Variants in IMPG1 observed in about 807,000 individuals in gnomAD.
IMPG1 encodes the protein interphotoreceptor matrix proteoglycan of 150 kDa.
A neutral mutation model predicts 92.0 loss-of-function variants in IMPG1; 85 were observed. The ratio of observed to expected loss-of-function variants is 0.92; its 90% CI spans 0.78 to 1.11. The LOEUF (loss-of-function observed/expected upper bound fraction) is 1.11, where lower values mean the gene tolerates loss of function less well. Among genes scored for constraint, IMPG1 ranks in the 50% least tolerant of loss-of-function variants. The pLI is 0.00. For synonymous variants in IMPG1, 367 were observed against 334.1 expected (o/e 1.10, Z -1.08); for missense variants, 1,022 against 956.0 (o/e 1.07, Z -0.91).
In IMPG1 at chr6:76,041,906, A is replaced by G; in HGVS notation, c.288T>C (p.Tyr96=). 6.2e-7 allele frequency: 1 copy of G among 1,600,954 alleles called. No individual in the cohort carries two copies. ...CTCTTTCCTTACCTCTCAATCTATA[A>G]TAAGCTTGAAGACTGTCTAAAATCT... ...MKQILDSLQA[Y]YRLRVCQEAV... Residue 96 remains tyrosine (Y), a synonymous_variant, in exon 2 of 17, where the codon TAT becomes TAC. Transcript: ENST00000369950.
intron 12 of IMPG1, among the ~76,000 whole-genome samples, chr6:75,995,748 TGAC>T (rs1782888368): frequency 6.6e-6 from 1 of 152,242 alleles, no homozygotes; most frequent in Admixed American, 6.5e-5. Context: ...AGCACATCAC[TGAC>T]GAGCTTCAGT....
intron 1 of IMPG1, among the ~76,000 whole-genome samples, chr6:76,063,472 C>G (rs780204667): frequency 6.6e-6 from 1 of 152,144 alleles, no homozygotes; most frequent in Non-Finnish European, 1.5e-5. Context: ...GCCCTGGTGG[C>G]AGATCCTTGG....
intron 8 of IMPG1, 52 bp downstream of exon 8, chr6:76,011,114 G>T: frequency 1.0e-6 from 1 of 984,472 alleles, no homozygotes; most frequent in Non-Finnish European, 1.6e-6. Flanking sequence ...TTTACAAAAG[G>T]ATAGGAAGAA....
At chr6:75,973,279 T>TGTGTCCGGATTACA (rs1401018798) in intron 12 of IMPG1, among the ~76,000 whole-genome samples, 1 of 144,760 alleles carries the variant, frequency 6.9e-6, no homozygotes, top group African/African-American at 2.5e-5. Flanking sequence ...TGTGCCTGGC[T>TGTGTCCGGATTACA]GCAATCCTAC....
In IMPG1 at chr6:75,984,358, C is replaced by T. The variant is rs1289999696; in HGVS notation, c.1291+18560G>A. On this transcript the variant is annotated intron_variant, in intron 12 of 16. Transcript: ENST00000369950. ...AAATGAATGGATAAACAAAATTGTC[C>T]ACACAATGAAAAGCTATTCAGTCTT... is the stretch of plus-strand genomic sequence containing the variant. 2.0e-5 allele frequency among the ~76,000 whole-genome samples: 3 copies of T among 152,222 alleles called. No homozygotes were observed. In the East Asian group the frequency reaches 5.8e-4, roughly 29 times the overall value.
chr6:76,067,415 C>T (rs1784328455), intron 1 of IMPG1, among the ~76,000 whole-genome samples: 1 of 151,834 alleles, frequency 6.6e-6, no homozygotes, highest in Non-Finnish European at 1.5e-5. Context: ...GCATCTCTAC[C>T]CTCACAAACT....
At chr6:75,964,370 G>T (rs920620705) in intron 12 of IMPG1, among the ~76,000 whole-genome samples, 1 of 152,022 alleles carries the variant, frequency 6.6e-6, no homozygotes, top group Non-Finnish European at 1.5e-5. Context: ...TATGTTATGT[G>T]AATTTTATCT....
rs573585152 is a variant in IMPG1, at chr6:75,990,177, A to G, written c.1291+12741T>C. On this transcript the variant is annotated intron_variant, in intron 12 of 16. Transcript: ENST00000369950. ...TTTGGAAATGCTGACTTTAGATGAT[A>G]TTTAGTAAGCATATTATTACAATTC... Among the ~76,000 whole-genome samples the G allele has an allele frequency of 5.3e-5, 8 of 152,346 alleles. No individual in the cohort carries two copies. In the South Asian group the frequency reaches 1.7e-3, roughly 32 times the overall value.
chr6:76,071,348 T>G (rs1329468695), intron 1 of IMPG1, among the ~76,000 whole-genome samples: 1 of 150,516 alleles, frequency 6.6e-6, no homozygotes, highest in African/African-American at 2.4e-5. Context: ...TCAGATTCAG[T>G]TCAGAATATA....
intron 1 of IMPG1, among the ~76,000 whole-genome samples, chr6:76,067,161 G>T (rs1464707287): frequency 6.6e-6 from 1 of 151,130 alleles, no homozygotes. Context: ...CACACCCAAA[G>T]GTAGAAGTAA....
rs377190094 is a variant in IMPG1, at chr6:75,925,861, T to C, written c.2244-2155A>G. On this transcript the variant is annotated intron_variant, in intron 15 of 16. Coordinates refer to ENST00000369950, the MANE Select transcript of IMPG1 (RefSeq NM_001563.4). Reference sequence around the variant, plus strand: ...TTGTATTTTTAGTAGAGACAGGGTTTCACCATGTTGGCCAGGATGGTCTCG... The same window carrying C: ...TTGTATTTTTAGTAGAGACAGGGTTCCACCATGTTGGCCAGGATGGTCTCG... Among the ~76,000 whole-genome samples the C allele has an allele frequency of 7.4e-3, 1,119 of 152,152 alleles. 12 individuals are homozygous for C. The highest frequency in any genetic ancestry group is 0.026 in the African/African-American group (1,064 of 41,510).
intron 4 of IMPG1, among the ~76,000 whole-genome samples, chr6:76,027,685 T>C (rs1429519338): frequency 1.4e-4 from 21 of 152,230 alleles, no homozygotes; most frequent in Admixed American, 1.3e-3. Context: ...AGGTATTATA[T>C]GGTTTTTTCC....
intron 12 of IMPG1, among the ~76,000 whole-genome samples, chr6:75,955,948 G>A (rs1214631230): frequency 6.6e-6 from 1 of 152,192 alleles, no homozygotes; most frequent in Non-Finnish European, 1.5e-5. Context: ...CAGGGATGGA[G>A]CTGACTTGAT....
intron 16 of IMPG1, 134 bp downstream of exon 16, chr6:75,923,500 C>T (rs1300719983): frequency 3.2e-6 from 2 of 628,552 alleles, no homozygotes; most frequent in Non-Finnish European, 5.6e-6. Context: ...AAATGTCACC[C>T]CCTTAAAACA....
intron 10 of IMPG1, among the ~76,000 whole-genome samples, chr6:76,004,716 G>A (rs1582098223): frequency 6.6e-6 from 1 of 152,198 alleles, no homozygotes; most frequent in South Asian, 2.1e-4. Flanking sequence ...GCCCCAGAAG[G>A]TTGAATAATA....
chr6:75,994,438 C>T (rs1782864194), intron 12 of IMPG1, among the ~76,000 whole-genome samples: 1 of 152,110 alleles, frequency 6.6e-6, no homozygotes, highest in African/African-American at 2.4e-5. Context: ...AAGTACTGCT[C>T]ATAATGGATA....
chr6:76,035,681 C>T (rs553188198), intron 2 of IMPG1, among the ~76,000 whole-genome samples: 1 of 152,224 alleles, frequency 6.6e-6, no homozygotes, highest in South Asian at 2.1e-4. Flanking sequence ...GTCCATTTTC[C>T]TGTGCAGGCT....
intron 1 of IMPG1, among the ~76,000 whole-genome samples, chr6:76,062,171 T>C (rs1784217456): frequency 6.6e-6 from 1 of 152,208 alleles, no homozygotes; most frequent in Non-Finnish European, 1.5e-5. Flanking sequence ...ACCATAAAGC[T>C]GTTTACATTG....
intron 12 of IMPG1, among the ~76,000 whole-genome samples, chr6:75,971,812 C>CA (rs1782423312): frequency 6.6e-6 from 1 of 152,134 alleles, no homozygotes; most frequent in Non-Finnish European, 1.5e-5. Flanking sequence ...CATAGAAATG[C>CA]AAAGGATTTT....
Sources: gnomAD v4.1 joint callset for allele counts (sites outside exome capture counted in the v4.1 genomes callset) on GRCh38, gnomAD v4.1.1 for gene constraint, MANE v1.5 for transcripts, NCBI Gene and HGNC (gene_info 2026-07-23, HGNC 2026-07-21) for gene names.